Variants in CCDC7 observed in about 807,000 individuals in gnomAD.
The protein encoded by CCDC7 is coiled-coil domain-containing protein 7.
Under a neutral mutation model 196.9 loss-of-function variants are expected in CCDC7, and 183 were observed. That is an observed-to-expected ratio of 0.93 (90% CI 0.82 to 1.05). CCDC7 has a LOEUF of 1.05. Among genes scored for constraint, CCDC7 ranks in the 50% least tolerant of loss-of-function variants. The pLI is 0.00. For synonymous variants in CCDC7, 525 were observed against 484.6 expected (o/e 1.08, Z -1.10); for missense variants, 1,540 against 1,482.2 (o/e 1.04, Z -0.64).
chr10:32,764,484 G>T (rs1348870555), intron 28 of CCDC7, among the ~76,000 whole-genome samples: 1 of 151,752 alleles, frequency 6.6e-6, no homozygotes, highest in Non-Finnish European at 1.5e-5. Context: ...GTTTAATGTT[G>T]CAGCATGGAG....
chr10:32,475,157 A>G (rs892863665), intron 8 of CCDC7, among the ~76,000 whole-genome samples: 1 of 152,116 alleles, frequency 6.6e-6, no homozygotes, highest in East Asian at 1.9e-4. Context: ...CTCAATCTGT[A>G]TGGTTGCCTT....
At chr10:32,669,211 A>G (rs1591390) in intron 21 of CCDC7, among the ~76,000 whole-genome samples, 63 of 152,024 alleles carry the variant, frequency 4.1e-4, no homozygotes, top group Admixed American at 1.1e-3. Context: ...TTATTGCTTT[A>G]TGTTGAACCA....
At chr10:32,508,471 A>AG (rs2045553992) in intron 9 of CCDC7, among the ~76,000 whole-genome samples, 2 of 152,332 alleles carry the variant, frequency 1.3e-5, no homozygotes, top group Admixed American at 1.3e-4. Flanking sequence ...ATGTACCCAA[A>AG]GTGATCTACA....
intron 9 of CCDC7, among the ~76,000 whole-genome samples, chr10:32,510,924 G>A (rs3863955): frequency 1 from 150,151 of 150,792 alleles, 74,759 homozygotes; most frequent in Middle Eastern, 1. Context: ...AAACAGATGT[G>A]CCTATAATTT....
intron 29 of CCDC7, among the ~76,000 whole-genome samples, chr10:32,799,194 C>T (rs184872407): frequency 1.3e-5 from 2 of 152,218 alleles, no homozygotes; most frequent in Non-Finnish European, 2.9e-5. Flanking sequence ...CTACCAAAGC[C>T]CAGTAACAGG....
In CCDC7 at chr10:32,511,272, G is replaced by C. The variant is rs1171575896; in HGVS notation, c.873-6673G>C. 5.2e-6 allele frequency: 4 copies of C among 770,828 alleles called. 1 individual carries two copies. The highest frequency in any genetic ancestry group is 3.7e-5 in the South Asian group (2 of 53,804). The allele number at this position is 770,828 out of a possible 1,614,324, so 47.7% of individuals were successfully genotyped here. On this transcript the variant is annotated intron_variant, in intron 9 of 41. Transcript: ENST00000639629. ...TATTCTGTGGGGGGCGGGGGGGGCG[G>C]GGAAATGTACTTTTTGAATATGTGT...
intron 18 of CCDC7, among the ~76,000 whole-genome samples, chr10:32,631,004 C>G (rs562494415): frequency 6.6e-6 from 1 of 152,244 alleles, no homozygotes; most frequent in Non-Finnish European, 1.5e-5. Context: ...AAGATATTTT[C>G]TTTCAGAATC....
intron 24 of CCDC7, among the ~76,000 whole-genome samples, chr10:32,704,842 AT>A (rs1476903186): frequency 1.3e-5 from 2 of 152,054 alleles, no homozygotes; most frequent in African/African-American, 4.8e-5. Context: ...CTGGTGTGCC[AT>A]TTGCTAAGAC....
chr10:32,498,221 T>G (rs975463336), intron 9 of CCDC7, among the ~76,000 whole-genome samples: 1 of 152,172 alleles, frequency 6.6e-6, no homozygotes, highest in Non-Finnish European at 1.5e-5. Flanking sequence ...ACCCTGCTTT[T>G]TTTTGCTTTC....
chr10:32,805,663 C>G (rs1565556930), intron 30 of CCDC7, among the ~76,000 whole-genome samples: 1 of 152,118 alleles, frequency 6.6e-6, no homozygotes, highest in Non-Finnish European at 1.5e-5. Flanking sequence ...CAAAGGAAGG[C>G]AGACAGGTTA....
At chr10:32,635,527 A>G (rs193138303) in intron 20 of CCDC7, among the ~76,000 whole-genome samples, 11 of 152,232 alleles carry the variant, frequency 7.2e-5, no homozygotes, top group African/African-American at 1.9e-4. Context: ...ATGTCTCCCC[A>G]TAATCCCAGC....
chr10:32,584,327 G>T, intron 18 of CCDC7, 23 bp downstream of exon 19: 1 of 1,469,862 alleles, frequency 6.8e-7, no homozygotes, highest in Non-Finnish European at 9.4e-7. Flanking sequence ...TGTTTTGGAA[G>T]ATGAAAATGT....
At chr10:32,689,760 G>A (rs569268208) in intron 23 of CCDC7, among the ~76,000 whole-genome samples, 53 of 151,406 alleles carry the variant, frequency 3.5e-4, no homozygotes, top group African/African-American at 1.2e-3. Context: ...TTTGAGACAC[G>A]GTCTCACTTT....
intron 20 of CCDC7, among the ~76,000 whole-genome samples, chr10:32,647,520 A>G (rs1231155336): frequency 6.6e-6 from 1 of 152,202 alleles, no homozygotes; most frequent in Non-Finnish European, 1.5e-5. Flanking sequence ...CTTTTTAATA[A>G]TAGCCATTCT....
At chr10:32,638,740 C>T (rs571908390) in intron 20 of CCDC7, among the ~76,000 whole-genome samples, 12 of 152,170 alleles carry the variant, frequency 7.9e-5, no homozygotes, top group African/African-American at 2.9e-4. Flanking sequence ...TGATGCTGGC[C>T]TCATAAAATG....
At chr10:32,676,698 A>G (rs1481379784) in intron 21 of CCDC7, among the ~76,000 whole-genome samples, 3 of 152,038 alleles carry the variant, frequency 2.0e-5, no homozygotes, top group Admixed American at 6.5e-5. Context: ...TAGAATGGCA[A>G]TCATTAAAAA....
At chr10:32,686,144 C>T in intron 22 of CCDC7, 64 bp downstream of exon 23, 1 of 808,520 alleles carries the variant, frequency 1.2e-6, no homozygotes. Flanking sequence ...AGGTATTTTT[C>T]TTCAGTTCAT....
rs567347032 is a variant in CCDC7 at position 32,711,610 on chromosome 10, CTT to C, written c.2459-9_2459-8del. ...TTCTAGTAAGGGACTAAATTTCTCT[CTT>C]AACATAGCTCATGATGAAGAATCAG... On this transcript the variant is annotated splice_polypyrimidine_tract_variant and splice_region_variant and intron_variant, in intron 24 of 41. Coordinates refer to ENST00000639629, the Ensembl canonical transcript of CCDC7. 2.4e-4 allele frequency: 366 copies of C among 1,540,070 alleles called. 3 individuals are homozygous for C. The African/African-American group carries it at 4.5e-3, about 19-fold the overall frequency.
At chr10:32,719,849 C>A (rs1267485008) in intron 25 of CCDC7, among the ~76,000 whole-genome samples, 1 of 152,082 alleles carries the variant, frequency 6.6e-6, no homozygotes, top group East Asian at 1.9e-4. Context: ...GAATGGTGAT[C>A]ATTAAAAAGT....
Sources: allele counts gnomAD v4.1 joint callset (sites outside exome capture counted in the v4.1 genomes callset), GRCh38; gene constraint gnomAD v4.1.1; transcripts MANE v1.5; gene names NCBI Gene and HGNC (gene_info 2026-07-23, HGNC 2026-07-21).